NAALADL2: variants seen among roughly 807,000 people sequenced by gnomAD.
NAALADL2 encodes N-acetylated alpha-linked acidic dipeptidase like 2.
NAALADL2 carries 76 observed loss-of-function variants against 87.2 expected under a neutral mutation model. The ratio of observed to expected loss-of-function variants is 0.87; its 90% confidence interval spans 0.72 to 1.05. The LOEUF (loss-of-function observed/expected upper bound fraction) is 1.05, where lower values mean the gene tolerates loss of function less well. Among genes scored for constraint, NAALADL2 ranks in the 50% least tolerant of loss-of-function variants. The pLI is 0.00. For missense variants in NAALADL2, 1,089 were observed against 945.8 expected, an observed-to-expected ratio of 1.15 and a Z score of -1.99; for synonymous variants, 354 against 331.0, an observed-to-expected ratio of 1.07 and a Z score of -0.75.
intron 5 of NAALADL2, among the ~76,000 whole-genome samples, chr3:175,375,405 C>G (rs1767019683): frequency 1.3e-5 from 2 of 152,154 alleles, no homozygotes. Context: ...AGTGTTGTGT[C>G]TGCCAACTTA....
At chr3:175,258,570 G>A (rs955702676) in intron 4 of NAALADL2, among the ~76,000 whole-genome samples, 2 of 152,144 alleles carry the variant, frequency 1.3e-5, no homozygotes, top group Admixed American at 6.5e-5. Flanking sequence ...AGGAAATAAT[G>A]TAAAATAGGT....
At chr3:174,699,854 G>C (rs371435698) in intron 2 of NAALADL2, among the ~76,000 whole-genome samples, 1 of 52,278 alleles carries the variant, frequency 1.9e-5, no homozygotes, top group Admixed American at 2.1e-4. Context: ...TTTTTTTTTT[G>C]AGAAGATTGT....
intron 2 of NAALADL2, among the ~76,000 whole-genome samples, chr3:175,201,236 G>A (rs1739975650): frequency 6.6e-6 from 1 of 152,052 alleles, no homozygotes; most frequent in South Asian, 2.1e-4. Context: ...AACATTTGTG[G>A]AAAACCACCA....
chr3:174,643,408 C>T (rs537467325), intron 2 of NAALADL2, among the ~76,000 whole-genome samples: 207 of 152,232 alleles, frequency 1.4e-3, no homozygotes, highest in African/African-American at 4.7e-3. Flanking sequence ...AATTCTAGCA[C>T]TTTGGGAGGC....
intron 4 of NAALADL2, among the ~76,000 whole-genome samples, chr3:175,261,555 A>T (rs1751043180): frequency 6.6e-6 from 1 of 152,130 alleles, no homozygotes; most frequent in African/African-American, 2.4e-5. Context: ...TACACAAAAA[A>T]TCCAAAAACT....
chr3:175,246,250 A>G (rs1747947685), intron 3 of NAALADL2, among the ~76,000 whole-genome samples: 1 of 152,202 alleles, frequency 6.6e-6, no homozygotes, highest in Non-Finnish European at 1.5e-5. Flanking sequence ...CTAGATTTAT[A>G]TATGATAGTA....
intron 3 of NAALADL2, among the ~76,000 whole-genome samples, chr3:174,802,033 C>A (rs1181345705): frequency 6.6e-6 from 1 of 152,036 alleles, no homozygotes; most frequent in Non-Finnish European, 1.5e-5. Flanking sequence ...CCACAATTGG[C>A]ATTTTCAAAG....
At chr3:174,651,650 A>G (rs977225011) in intron 2 of NAALADL2, among the ~76,000 whole-genome samples, 1 of 152,192 alleles carries the variant, frequency 6.6e-6, no homozygotes, top group Admixed American at 6.5e-5. Context: ...TAATAAAGGA[A>G]CAGAGCTCAG....
intron 5 of NAALADL2, among the ~76,000 whole-genome samples, chr3:175,337,075 T>C (rs1762056986): frequency 1.3e-5 from 2 of 152,196 alleles, no homozygotes; most frequent in Non-Finnish European, 1.5e-5. Flanking sequence ...GGTATCTCTT[T>C]GAAAGTCTCT....
chr3:175,361,707 T>A (rs1428682978), intron 5 of NAALADL2, among the ~76,000 whole-genome samples: 3 of 148,368 alleles, frequency 2.0e-5, no homozygotes, highest in African/African-American at 7.3e-5. Context: ...CACTTTTTGA[T>A]GGGGTTGTTT....
chr3:174,848,567 G>A (rs1311916567), intron 3 of NAALADL2, among the ~76,000 whole-genome samples: 1 of 152,096 alleles, frequency 6.6e-6, no homozygotes, highest in East Asian at 1.9e-4. Flanking sequence ...GCATATAGAG[G>A]ACTCACTGAC....
intron 1 of NAALADL2, among the ~76,000 whole-genome samples, chr3:175,021,207 A>G (rs1440971543): frequency 6.6e-6 from 1 of 152,030 alleles, no homozygotes; most frequent in Non-Finnish European, 1.5e-5. Flanking sequence ...CACCGAATAT[A>G]CGCAATTTGT....
At chr3:175,450,430 A>G (rs1721392676) in intron 6 of NAALADL2, among the ~76,000 whole-genome samples, 1 of 152,190 alleles carries the variant, frequency 6.6e-6, no homozygotes, top group African/African-American at 2.4e-5. Context: ...TGGGCACATT[A>G]AGAATATGTG....
intron 9 of NAALADL2, among the ~76,000 whole-genome samples, chr3:175,553,455 C>T (rs1241928855): frequency 6.6e-6 from 1 of 152,076 alleles, no homozygotes; most frequent in East Asian, 1.9e-4. Flanking sequence ...GCTGTGTCTT[C>T]TCTGTGAAAT....
intron 2 of NAALADL2, among the ~76,000 whole-genome samples, chr3:174,618,045 A>G (rs1180256748): frequency 2.6e-5 from 4 of 151,746 alleles, no homozygotes; most frequent in Non-Finnish European, 5.9e-5. Context: ...GAAATTCTTG[A>G]CAGCATTAAA....
intron 3 of NAALADL2, among the ~76,000 whole-genome samples, chr3:174,778,640 T>A (rs507290): frequency 3.3e-5 from 5 of 151,700 alleles, no homozygotes; most frequent in Non-Finnish European, 7.4e-5. Context: ...ACCCCCACCC[T>A]GCAACAGGAC....
intron 2 of NAALADL2, among the ~76,000 whole-genome samples, chr3:175,165,471 C>G (rs151104431): frequency 7.2e-5 from 11 of 151,778 alleles, no homozygotes; most frequent in Admixed American, 7.2e-4. Context: ...ATTTAAGGCT[C>G]AAAAAAGTTA....
intron 1 of NAALADL2, among the ~76,000 whole-genome samples, chr3:174,881,744 A>G (rs1200159278): frequency 6.7e-6 from 1 of 149,076 alleles, no homozygotes; most frequent in East Asian, 1.9e-4. Flanking sequence ...TAGGTACTCA[A>G]TAAATATTTG....
chr3:175,060,621 G>T lies in NAALADL2; in HGVS notation c.44-36169G>T, dbSNP rs1016982833. On this transcript the variant is annotated intron_variant, in intron 1 of 13. Transcript: ENST00000454872. ...TAACTTTACAAATATAACTCAAAAT[G>T]ATCTTTACTATCTGGGCATTAAAGC... Among the ~76,000 whole-genome samples the T allele has an allele frequency of 2.6e-5, 4 of 152,104 alleles. No homozygotes were observed. In the South Asian group the frequency reaches 6.2e-4, roughly 24 times the overall value.
Sources: allele counts gnomAD v4.1 joint callset (sites outside exome capture counted in the v4.1 genomes callset), GRCh38; gene constraint gnomAD v4.1.1; transcripts MANE v1.5; gene names NCBI Gene and HGNC (gene_info 2026-07-23, HGNC 2026-07-21).